Variants in CSMD1 observed in about 807,000 individuals in gnomAD.
CSMD1 encodes the protein CUB and sushi domain-containing protein 1.
In CSMD1, 213 loss-of-function variants were observed where a neutral mutation model predicts 417.5. The observed-to-expected ratio is 0.51, with a 90% CI of 0.46 to 0.57. CSMD1 has a LOEUF of 0.57. CSMD1 is among the 20% of genes least tolerant of loss of function. The probability of loss-of-function intolerance (pLI) is 0.00; values close to 1 mark genes in which losing one functional copy is unlikely to be tolerated. For synonymous variants in CSMD1, 2,862 were observed against 1,736.8 expected (o/e 1.65, Z -16.11); for missense variants, 6,923 against 4,529.7 (o/e 1.53, Z -15.17).
intron 5 of CSMD1, among the ~76,000 whole-genome samples, chr8:3,802,825 A>C (rs1293655677): frequency 6.6e-6 from 1 of 152,156 alleles, no homozygotes; most frequent in Non-Finnish European, 1.5e-5. Context: ...TTTCTCCATC[A>C]AGTGAAGGGC....
At chr8:4,661,480 T>G (rs1364092223) in intron 1 of CSMD1, among the ~76,000 whole-genome samples, 1 of 152,180 alleles carries the variant, frequency 6.6e-6, no homozygotes, top group East Asian at 1.9e-4. Context: ...TGCTATGGGT[T>G]AGGCGGTGGG....
At chr8:3,185,437 C>T (rs984417061) in intron 36 of CSMD1, among the ~76,000 whole-genome samples, 2 of 152,048 alleles carry the variant, frequency 1.3e-5, no homozygotes, top group Admixed American at 1.3e-4. Flanking sequence ...TTAATTTTGC[C>T]GTCTCCTGCT....
intron 26 of CSMD1, among the ~76,000 whole-genome samples, chr8:3,275,878 C>A (rs1186194771): frequency 2.0e-5 from 3 of 152,098 alleles, no homozygotes; most frequent in Non-Finnish European, 4.4e-5. Flanking sequence ...GTTTGAATGT[C>A]CTCCTGTAGC....
chr8:3,388,883 CCACACACATGCATACACACACA>C (rs1811170065), intron 17 of CSMD1, among the ~76,000 whole-genome samples: 1 of 146,100 alleles, frequency 6.8e-6, no homozygotes, highest in Admixed American at 7.0e-5. Context: ...TACATACACA[CCACACACATGCATACACACACA>C]CACACACACA....
intron 2 of CSMD1, among the ~76,000 whole-genome samples, chr8:4,470,824 G>C (rs185091902): frequency 6.6e-6 from 1 of 152,256 alleles, no homozygotes; most frequent in East Asian, 1.9e-4. Context: ...TATCTGAATC[G>C]ATGTTGTCTC....
At chr8:4,718,310 T>C (rs1022574168) in intron 1 of CSMD1, among the ~76,000 whole-genome samples, 1 of 152,278 alleles carries the variant, frequency 6.6e-6, no homozygotes, top group African/African-American at 2.4e-5. Context: ...AAAACATATA[T>C]AACGATTTCT....
chr8:4,142,642 G>A (rs539975225), intron 3 of CSMD1, among the ~76,000 whole-genome samples: 4 of 151,048 alleles, frequency 2.6e-5, no homozygotes, highest in African/African-American at 9.9e-5. Context: ...GCAAATGAGA[G>A]AGAAAACAGT....
At chr8:3,484,871 C>T (rs977596159) in intron 11 of CSMD1, among the ~76,000 whole-genome samples, 7 of 152,150 alleles carry the variant, frequency 4.6e-5, no homozygotes, top group Non-Finnish European at 5.9e-5. Context: ...TAAACCACAA[C>T]GAGGTGTCAT....
intron 7 of CSMD1, among the ~76,000 whole-genome samples, chr8:3,657,956 G>C (rs993607307): frequency 6.6e-6 from 1 of 152,030 alleles, no homozygotes; most frequent in Non-Finnish European, 1.5e-5. Flanking sequence ...CATCATTGTT[G>C]ATTAATGGTA....
intron 2 of CSMD1, among the ~76,000 whole-genome samples, chr8:4,441,154 A>G (rs1194949671): frequency 1.8e-5 from 2 of 110,100 alleles, no homozygotes; most frequent in East Asian, 2.9e-4. Flanking sequence ...GCTAGAGTGC[A>G]GTGGTACAAC....
chr8:3,919,125 T>C (rs1434832067), intron 5 of CSMD1, among the ~76,000 whole-genome samples: 1 of 150,700 alleles, frequency 6.6e-6, no homozygotes, highest in Non-Finnish European at 1.5e-5. Flanking sequence ...CAGAAGATTC[T>C]GTGTTTGACG....
At chr8:3,852,712 A>C (rs1351279125) in intron 5 of CSMD1, among the ~76,000 whole-genome samples, 1 of 151,914 alleles carries the variant, frequency 6.6e-6, no homozygotes, top group Non-Finnish European at 1.5e-5. Context: ...GCTGTGAGGG[A>C]CGGGAGAGAT....
chr8:3,588,958 A>G (rs1034427990), intron 8 of CSMD1, among the ~76,000 whole-genome samples: 1 of 152,104 alleles, frequency 6.6e-6, no homozygotes, highest in African/African-American at 2.4e-5. Flanking sequence ...CATAAAAACG[A>G]CCAACAGGTA....
chr8:4,587,431 G>A (rs866014118), intron 2 of CSMD1, among the ~76,000 whole-genome samples: 1 of 83,492 alleles, frequency 1.2e-5, no homozygotes, highest in Admixed American at 1.1e-4. Flanking sequence ...ATGTATATGT[G>A]GATATATATG....
intron 3 of CSMD1, among the ~76,000 whole-genome samples, chr8:4,268,876 G>T (rs1224054033): frequency 6.6e-6 from 1 of 152,090 alleles, no homozygotes; most frequent in Admixed American, 6.6e-5. Flanking sequence ...TTTCCACATA[G>T]AATGTTTATT....
intron 6 of CSMD1, among the ~76,000 whole-genome samples, chr8:3,722,924 C>T (rs75238556): frequency 7.1e-6 from 1 of 139,952 alleles, no homozygotes; most frequent in Non-Finnish European, 1.6e-5. Flanking sequence ...TGTGTGTGTG[C>T]CAGTTTTTCT....
chr8:3,611,644 T>C (rs1296435175), intron 8 of CSMD1, among the ~76,000 whole-genome samples: 1 of 152,180 alleles, frequency 6.6e-6, no homozygotes, highest in Non-Finnish European at 1.5e-5. Flanking sequence ...CAAAAGCTGG[T>C]ATCTATCATC....
chr8:4,436,148 G>T (rs558642291), intron 2 of CSMD1, among the ~76,000 whole-genome samples: 1 of 152,122 alleles, frequency 6.6e-6, no homozygotes, highest in Non-Finnish European at 1.5e-5. Context: ...AGAAGTCATA[G>T]ATATTGAGAG....
At chr8:4,669,956 T>C (rs931352750) in intron 1 of CSMD1, among the ~76,000 whole-genome samples, 2 of 152,162 alleles carry the variant, frequency 1.3e-5, no homozygotes, top group Non-Finnish European at 2.9e-5. Flanking sequence ...TCATGTTTTA[T>C]GAGGATTGGA....
Sources: gnomAD v4.1 joint callset for allele counts (sites outside exome capture counted in the v4.1 genomes callset) on GRCh38, gnomAD v4.1.1 for gene constraint, MANE v1.5 for transcripts, NCBI Gene and HGNC (gene_info 2026-07-23, HGNC 2026-07-21) for gene names.